Variants in CTNNA3 observed in about 807,000 individuals in gnomAD.
CTNNA3 encodes catenin alpha 3.
In CTNNA3, 76 loss-of-function variants were observed where a neutral mutation model predicts 95.7. That is an observed-to-expected ratio of 0.79 (90% confidence interval 0.66 to 0.96). The LOEUF (loss-of-function observed/expected upper bound fraction) is 0.96. Among genes scored for constraint, CTNNA3 ranks in the 40% least tolerant of loss-of-function variants. CTNNA3 has a pLI of 0.00. For missense variants in CTNNA3, 1,191 were observed against 1,089.8 expected (o/e 1.09, Z -1.31); for synonymous variants, 431 against 374.4 (o/e 1.15, Z -1.74).
intron 7 of CTNNA3, among the ~76,000 whole-genome samples, chr10:66,879,208 A>G (rs1844749909): frequency 6.6e-6 from 1 of 152,154 alleles, no homozygotes; most frequent in African/African-American, 2.4e-5. Flanking sequence ...GTATTAAGAC[A>G]TTGATTTAAA....
At chr10:67,290,249 T>C (rs1009439771) in intron 5 of CTNNA3, among the ~76,000 whole-genome samples, 1 of 152,168 alleles carries the variant, frequency 6.6e-6, no homozygotes, top group Non-Finnish European at 1.5e-5. Flanking sequence ...TTTTGGTTTA[T>C]TGGAGACCTG....
intron 7 of CTNNA3, among the ~76,000 whole-genome samples, chr10:66,857,343 C>A (rs1236248555): frequency 6.6e-6 from 1 of 151,438 alleles, no homozygotes; most frequent in Non-Finnish European, 1.5e-5. Flanking sequence ...TGTGATGCCT[C>A]CAGCTTTGTT....
At chr10:66,615,137 A>C (rs1323840026) in intron 10 of CTNNA3, among the ~76,000 whole-genome samples, 4 of 152,030 alleles carry the variant, frequency 2.6e-5, no homozygotes, top group Non-Finnish European at 2.9e-5. Context: ...CCCAGGACTC[A>C]GCATGAAATT....
chr10:66,551,760 A>G (rs1392280060), intron 10 of CTNNA3, among the ~76,000 whole-genome samples: 1 of 152,076 alleles, frequency 6.6e-6, no homozygotes, highest in Non-Finnish European at 1.5e-5. Flanking sequence ...CCTTCTGAGA[A>G]TGATAGGGAT....
At chr10:67,010,279 C>T (rs888948465) in intron 7 of CTNNA3, among the ~76,000 whole-genome samples, 1 of 152,092 alleles carries the variant, frequency 6.6e-6, no homozygotes, top group Non-Finnish European at 1.5e-5. Flanking sequence ...GGCAAATATA[C>T]CTCCTTCCCA....
intron 12 of CTNNA3, among the ~76,000 whole-genome samples, chr10:66,296,130 C>T (rs1040135234): frequency 3.3e-5 from 5 of 152,086 alleles, no homozygotes; most frequent in Non-Finnish European, 5.9e-5. Flanking sequence ...ACACATAATT[C>T]TGGATAAATT....
intron 7 of CTNNA3, among the ~76,000 whole-genome samples, chr10:66,944,969 G>A (rs1848206321): frequency 6.6e-6 from 1 of 152,086 alleles, no homozygotes; most frequent in Admixed American, 6.6e-5. Flanking sequence ...TATCATACAG[G>A]CTTTGCTGTT....
At chr10:67,651,265 A>T (rs1179995322) in intron 1 of CTNNA3, among the ~76,000 whole-genome samples, 2 of 152,208 alleles carry the variant, frequency 1.3e-5, no homozygotes, top group Non-Finnish European at 2.9e-5. Context: ...CTTTTCAACT[A>T]AAATGTTTAA....
intron 7 of CTNNA3, among the ~76,000 whole-genome samples, chr10:67,027,999 A>C (rs1168904385): frequency 1.3e-5 from 2 of 152,194 alleles, no homozygotes; most frequent in African/African-American, 2.4e-5. Flanking sequence ...GAAGCAAGTA[A>C]GGTAGCTGGT....
At chr10:67,144,267 C>T (rs1484645118) in intron 7 of CTNNA3, among the ~76,000 whole-genome samples, 3 of 152,126 alleles carry the variant, frequency 2.0e-5, no homozygotes, top group Non-Finnish European at 2.9e-5. Context: ...TTATAGAGGA[C>T]AGTGTGGGTT....
chr10:66,720,093 T>C (rs1848577919), intron 9 of CTNNA3, among the ~76,000 whole-genome samples: 1 of 152,064 alleles, frequency 6.6e-6, no homozygotes, highest in South Asian at 2.1e-4. Context: ...GCACTCCAGG[T>C]AATTAAATGT....
rs149476691 is a variant in CTNNA3, at chr10:67,199,667, T to C, written c.844-19147A>G. On this transcript the variant is annotated intron_variant, in intron 6 of 17. Transcript: ENST00000433211. ...TACAGACGTGAAGGTTTTTGTATTT[T>C]TATAAAGTGCAGGTGTTCAGCATGT... 4.7e-4 allele frequency among the ~76,000 whole-genome samples: 71 copies of C among 152,240 alleles called. No homozygotes were observed. The East Asian group carries it at 0.012, about 27-fold the overall frequency.
chr10:66,199,796 TATATA>T (rs2131911081), intron 13 of CTNNA3, among the ~76,000 whole-genome samples: 3 of 16,374 alleles, frequency 1.8e-4, no homozygotes, highest in African/African-American at 4.7e-4. Flanking sequence ...TATATATATA[TATATA>T]TATATTTTTT....
intron 5 of CTNNA3, among the ~76,000 whole-genome samples, chr10:67,448,563 G>A (rs1226495412): frequency 6.6e-6 from 1 of 151,676 alleles, no homozygotes. Context: ...ATGAATGAAT[G>A]AATAATAAAA....
rs555795063 is a variant in CTNNA3 at position 67,189,367 on chromosome 10, T to C, written c.844-8847A>G. Reference sequence around the variant, plus strand: ...ATGCTGGTCAAAAGATTCAAAATTTTACTTTGACAGGAGGAATAAATACAA... The same window carrying C: ...ATGCTGGTCAAAAGATTCAAAATTTCACTTTGACAGGAGGAATAAATACAA... On this transcript the variant is annotated intron_variant, in intron 6 of 17. Transcript: ENST00000433211. Among the ~76,000 whole-genome samples the C allele has an allele frequency of 1.9e-3, 282 of 152,218 alleles. 1 individual carries two copies. The highest frequency in any genetic ancestry group is 3.4e-3 in the Middle Eastern group (1 of 294).
chr10:67,417,757 G>A (rs1267275399), intron 5 of CTNNA3, among the ~76,000 whole-genome samples: 1 of 151,958 alleles, frequency 6.6e-6, no homozygotes, highest in African/African-American at 2.4e-5. Flanking sequence ...CCCATCCACT[G>A]TATAAATATG....
chr10:67,153,205 A>G (rs1861160976), intron 7 of CTNNA3, among the ~76,000 whole-genome samples: 1 of 152,130 alleles, frequency 6.6e-6, no homozygotes, highest in Admixed American at 6.6e-5. Flanking sequence ...CGAACTCCAG[A>G]TCTCAGGTGA....
chr10:66,430,126 C>A (rs947525261), intron 11 of CTNNA3, among the ~76,000 whole-genome samples: 1 of 135,060 alleles, frequency 7.4e-6, no homozygotes, highest in Non-Finnish European at 1.6e-5. Flanking sequence ...AACAAAGAGC[C>A]AAATCATGAG....
intron 5 of CTNNA3, among the ~76,000 whole-genome samples, chr10:67,483,182 G>C (rs1468255240): frequency 6.6e-6 from 1 of 151,808 alleles, no homozygotes; most frequent in Non-Finnish European, 1.5e-5. Context: ...CTGTAAACTA[G>C]TTCAACCACT....
Sources: gnomAD v4.1 joint callset for allele counts (sites outside exome capture counted in the v4.1 genomes callset) on GRCh38, gnomAD v4.1.1 for gene constraint, MANE v1.5 for transcripts, NCBI Gene and HGNC (gene_info 2026-07-23, HGNC 2026-07-21) for gene names.